The following SPICE1 variants were observed in gnomAD, a reference collection of about 807,000 sequenced individuals.
The protein encoded by SPICE1 is spindle and centriole associated protein 1.
Under a neutral mutation model 102.7 loss-of-function variants are expected in SPICE1, and 75 were observed. That is an observed-to-expected ratio of 0.73 (90% CI 0.61 to 0.88). The LOEUF (loss-of-function observed/expected upper bound fraction) is 0.88. Among genes scored for constraint, SPICE1 ranks in the 40% least tolerant of loss-of-function variants. SPICE1 has a pLI of 0.00. For missense variants in SPICE1, 979 were observed against 1,020.1 expected, an observed-to-expected ratio of 0.96 and a Z score of 0.55; for synonymous variants, 308 against 350.3, an observed-to-expected ratio of 0.88 and a Z score of 1.35.
At chr3:113,493,888 CAG>C (rs1292168346) in intron 5 of SPICE1, among the ~76,000 whole-genome samples, 159 bp downstream of exon 5, 1 of 152,186 alleles carries the variant, frequency 6.6e-6, no homozygotes, top group African/African-American at 2.4e-5. Flanking sequence ...GGAAAGGAAA[CAG>C]ATTATAATGA....
At chr3:113,445,499 T>C in intron 17 of SPICE1, 139 bp from the exon 18 acceptor site, 2 of 622,402 alleles carry the variant, frequency 3.2e-6, no homozygotes, top group Non-Finnish European at 5.6e-6. Flanking sequence ...TAAATTGTTA[T>C]TGGCAATGTT....
chr3:113,466,644 C>T (rs974200325), intron 10 of SPICE1, among the ~76,000 whole-genome samples: 1 of 151,634 alleles, frequency 6.6e-6, no homozygotes, highest in East Asian at 2.0e-4. Context: ...TCTAAGCCTG[C>T]AATACTCTCC....
chr3:113,491,651 A>AAAAAAAAAAAAT (rs1936771973), intron 6 of SPICE1, among the ~76,000 whole-genome samples: 1 of 147,620 alleles, frequency 6.8e-6, no homozygotes, highest in Non-Finnish European at 1.5e-5. Context: ...AAAAAAAAAG[A>AAAAAAAAAAAAT]TTATCTATAG....
intron 1 of SPICE1, among the ~76,000 whole-genome samples, chr3:113,511,293 A>G (rs965212766): frequency 2.0e-5 from 3 of 152,250 alleles, no homozygotes; most frequent in African/African-American, 4.8e-5. Context: ...TCATTCAATT[A>G]TAAAGATACA....
chr3:113,506,103 A>G (rs1246542038), intron 2 of SPICE1, among the ~76,000 whole-genome samples: 1 of 152,166 alleles, frequency 6.6e-6, no homozygotes, highest in Non-Finnish European at 1.5e-5. Context: ...CAAAACTGGC[A>G]CTCACATGGT....
At chr3:113,457,415 T>C in intron 12 of SPICE1, 58 bp from the exon 13 acceptor site, 3 of 1,550,318 alleles carry the variant, frequency 1.9e-6, no homozygotes, top group Non-Finnish European at 2.7e-6. Flanking sequence ...ATGAGCACAT[T>C]TCAGGTATTT....
At chr3:113,452,905 G>A (rs1279107788) in intron 14 of SPICE1, among the ~76,000 whole-genome samples, 2 of 152,124 alleles carry the variant, frequency 1.3e-5, no homozygotes, top group African/African-American at 4.8e-5. Flanking sequence ...TTGAACCCGG[G>A]AGGCAGAGGT....
At chr3:113,488,314 T>C (rs1367495551) in intron 7 of SPICE1, among the ~76,000 whole-genome samples, 1 of 152,200 alleles carries the variant, frequency 6.6e-6, no homozygotes, top group African/African-American at 2.4e-5. Flanking sequence ...TAAAAATGTA[T>C]GTTAGTCAAC....
chr3:113,507,702 T>C (rs548062765), intron 1 of SPICE1, among the ~76,000 whole-genome samples: 1 of 152,256 alleles, frequency 6.6e-6, no homozygotes, highest in South Asian at 2.1e-4. Context: ...ATGATGGTAA[T>C]GATGATGATA....
intron 7 of SPICE1, among the ~76,000 whole-genome samples, chr3:113,486,722 T>C (rs1271090661): frequency 2.0e-5 from 3 of 151,800 alleles, no homozygotes; most frequent in African/African-American, 7.2e-5. Context: ...ACATTATATG[T>C]ATCAAAACAT....
At chr3:113,477,797 GA>G (rs1936391141) in intron 7 of SPICE1, among the ~76,000 whole-genome samples, 1 of 128,426 alleles carries the variant, frequency 7.8e-6, no homozygotes, top group Admixed American at 8.3e-5. Context: ...GGGATGGGGG[GA>G]GGGGGGAGGG....
At chr3:113,498,055 T>C (rs142393748) in intron 4 of SPICE1, among the ~76,000 whole-genome samples, 2,704 of 152,198 alleles carry the variant, frequency 0.018, 75 homozygotes, top group Non-Finnish European at 0.022. Context: ...TTCTGTATTT[T>C]TGTAGAGATG....
rs1576620575 is a variant in SPICE1 at position 113,450,488 on chromosome 3, G to A, written c.2171C>T (p.Pro724Leu). ...TGCAATCCGTTCCTCCATACTACCT[G>A]GTGTTAGAGACTGTGCTACTGGAAA... ...STFPVAQSLT[P>L]GSMEERIAEL... is the part of the protein sequence containing the mutation. The change falls in exon 15 of 18, where the codon CCA (proline) becomes CTA (leucine). Residue 724 changes from proline to leucine, a missense_variant. Pro to Leu is a moderately conservative substitution (Grantham distance 98). Coordinates refer to ENST00000295872, the MANE Select transcript of SPICE1 (RefSeq NM_144718.4). 10 of 1,611,626 alleles carry A rather than the reference G, an allele frequency of 6.2e-6. No homozygotes were observed. The South Asian group carries it at 9.9e-5, about 16-fold the overall frequency.
intron 7 of SPICE1, among the ~76,000 whole-genome samples, chr3:113,473,393 C>A (rs1936255476): frequency 1.3e-5 from 2 of 152,250 alleles, no homozygotes; most frequent in South Asian, 4.1e-4. Context: ...CTTCCCCAAT[C>A]TAGCAAGGCA....
chr3:113,470,251 T>C (rs1218666634), intron 7 of SPICE1, among the ~76,000 whole-genome samples: 1 of 152,192 alleles, frequency 6.6e-6, no homozygotes, highest in East Asian at 1.9e-4. Context: ...TTTGAGAAGT[T>C]TTCAGCCTGT....
At chr3:113,457,436 G>T in intron 12 of SPICE1, 79 bp from the exon 13 acceptor site, 1 of 1,433,564 alleles carries the variant, frequency 7.0e-7, no homozygotes, top group Non-Finnish European at 9.6e-7. Context: ...ATTCTTAAAT[G>T]CATCTCAGTA....
chr3:113,504,685 T>C (rs938653556), intron 2 of SPICE1, among the ~76,000 whole-genome samples: 2 of 152,012 alleles, frequency 1.3e-5, no homozygotes, highest in African/African-American at 4.8e-5. Context: ...TACAAGTAAG[T>C]GATAGGCTTG....
intron 12 of SPICE1, chr3:113,460,322 C>A (rs1165807944): frequency 1.1e-6 from 1 of 921,128 alleles, no homozygotes; most frequent in Non-Finnish European, 1.3e-6. Context: ...AAGTTACCAA[C>A]CCTCTCTCAG....
rs1327257349 is a variant in SPICE1, at chr3:113,444,029, G to A, written c.*1278C>T. ...TTGAGCAAGTTATTAGCAGCTTTCT[G>A]GGGCATACTGGAGAAGTCATATGTT... On this transcript the variant is annotated 3_prime_UTR_variant, in exon 18 of 18. Transcript: ENST00000295872. 6.6e-6 allele frequency: 1 copy of A among 152,126 alleles called. No homozygotes were observed. The highest frequency in any genetic ancestry group is 1.5e-5 in the Non-Finnish European group (1 of 68,034). The allele number at this position is 152,126 out of a possible 1,614,324, so 9.4% of individuals were successfully genotyped here.
Sources: gnomAD v4.1 joint callset for allele counts (sites outside exome capture counted in the v4.1 genomes callset) on GRCh38, gnomAD v4.1.1 for gene constraint, MANE v1.5 for transcripts, NCBI Gene and HGNC (gene_info 2026-07-23, HGNC 2026-07-21) for gene names.